Variants in ACSM3 observed in about 807,000 individuals in gnomAD.
ACSM3 encodes the protein acyl-coenzyme A synthetase ACSM3, mitochondrial.
Under a neutral mutation model 74.1 loss-of-function variants are expected in ACSM3, and 61 were observed. The observed-to-expected ratio is 0.82, with a 90% CI of 0.67 to 1.02. The LOEUF is 1.02. ACSM3 is among the 50% of genes least tolerant of loss of function. ACSM3 has a pLI of 0.00. For missense variants in ACSM3, 660 were observed against 697.0 expected (o/e 0.95, Z 0.60); for synonymous variants, 213 against 241.5 (o/e 0.88, Z 1.09).
intron 1 of ACSM3, among the ~76,000 whole-genome samples, chr16:20,727,934 A>C (rs1441998512): frequency 6.6e-6 from 1 of 152,190 alleles, no homozygotes; most frequent in Non-Finnish European, 1.5e-5. Flanking sequence ...ATGCATTAGA[A>C]ACTCTGGGAT....
rs145743388 is a variant in ACSM3 at position 20,785,092 on chromosome 16, T to C, written c.1128T>C (p.Tyr376=). 1 of 1,613,338 alleles carries C rather than the reference T, an allele frequency of 6.2e-7. No individual in the cohort carries two copies. The highest frequency in any genetic ancestry group is 8.5e-7 in the Non-Finnish European group (1 of 1,179,520). ...NKTGLDIYEG[Y]GQTETVLICG... ...CGGGCCTGGATATCTACGAAGGATA[T>C]GGACAGACTGAAACGGTACCTGACC... The change falls in exon 8 of 14, where the codon TAT becomes TAC. Residue 376 remains tyrosine, a synonymous_variant. Coordinates refer to ENST00000289416, the MANE Select transcript of ACSM3 (RefSeq NM_005622.4).
intron 1 of ACSM3, among the ~76,000 whole-genome samples, chr16:20,677,150 T>C (rs868085415): frequency 6.6e-6 from 1 of 151,052 alleles, no homozygotes; most frequent in Middle Eastern, 3.4e-3. Context: ...TTCTAGCTTA[T>C]GGCTAAGCCA....
At chr16:20,787,364 G>A (rs1376216919) in intron 9 of ACSM3, among the ~76,000 whole-genome samples, 1 of 152,176 alleles carries the variant, frequency 6.6e-6, no homozygotes, top group Non-Finnish European at 1.5e-5. Context: ...TTTTAATTCA[G>A]AGACCCATCT....
intron 2 of ACSM3, among the ~76,000 whole-genome samples, chr16:20,751,743 C>T (rs930042277): frequency 1.3e-5 from 2 of 152,314 alleles, no homozygotes; most frequent in African/African-American, 4.8e-5. Context: ...TCGGTTATGT[C>T]ACCTTGGCTT....
chr16:20,774,379 C>T (rs1220331077), intron 2 of ACSM3, among the ~76,000 whole-genome samples: 1 of 151,858 alleles, frequency 6.6e-6, no homozygotes, highest in Non-Finnish European at 1.5e-5. Context: ...GTAGCTGGGA[C>T]TACAAGGTGC....
At chr16:20,704,973 A>T (rs1293887297) in intron 1 of ACSM3, among the ~76,000 whole-genome samples, 2 of 152,232 alleles carry the variant, frequency 1.3e-5, no homozygotes, top group Non-Finnish European at 2.9e-5. Context: ...TTTCACTTCA[A>T]GTATCATGAT....
In ACSM3 at chr16:20,777,376, C is replaced by G; in HGVS notation, c.434C>G (p.Thr145Arg). The change falls in exon 4 of 14, where the codon ACA (threonine) becomes AGA (arginine). Residue 145 changes from threonine to arginine, a missense_variant. Coordinates refer to ENST00000289416, the MANE Select transcript of ACSM3 (RefSeq NM_005622.4). ...LANVACLRTG[T>R]VLIPGTTQLT... ...TGTTTCTTTTCTGCCCCTTTAGGGA[C>G]AGTTTTAATTCCAGGAACCACTCAG... The G allele has an allele frequency of 6.2e-7, 1 of 1,613,178 alleles. No individual in the cohort carries two copies. The highest frequency in any genetic ancestry group is 8.5e-7 in the Non-Finnish European group (1 of 1,179,414).
chr16:20,771,588 A>G (rs975544936), intron 2 of ACSM3, among the ~76,000 whole-genome samples: 1 of 152,108 alleles, frequency 6.6e-6, no homozygotes, highest in Non-Finnish European at 1.5e-5. Context: ...ATGGCTGAAT[A>G]GTATTGCACT....
At chr16:20,740,932 A>C (rs2079913134) in intron 1 of ACSM3, among the ~76,000 whole-genome samples, 1 of 152,174 alleles carries the variant, frequency 6.6e-6, no homozygotes, top group Non-Finnish European at 1.5e-5. Flanking sequence ...TTTCTGAAAG[A>C]GCTTCAGCAC....
At chr16:20,762,897 C>T (rs1432247773), upstream of ACSM3, among the ~76,000 whole-genome samples, 2 of 152,272 alleles carry the variant, frequency 1.3e-5, no homozygotes, top group African/African-American at 2.4e-5. Flanking sequence ...TCTTATTCAA[C>T]GTAGAGCTAG....
intron 1 of ACSM3, among the ~76,000 whole-genome samples, chr16:20,687,123 C>T (rs1391897722): frequency 6.6e-6 from 1 of 151,832 alleles, no homozygotes; most frequent in Non-Finnish European, 1.5e-5. Flanking sequence ...TCTGGCTTGT[C>T]CAAGGGTTGC....
At chr16:20,683,815 AC>A (rs2079498149) in intron 1 of ACSM3, among the ~76,000 whole-genome samples, 1 of 150,476 alleles carries the variant, frequency 6.6e-6, no homozygotes, top group South Asian at 2.1e-4. Context: ...TGATCCACCC[AC>A]CTCAGCCTCC....
At chr16:20,727,594 C>T in intron 1 of ACSM3, 1 of 249,066 alleles carries the variant, frequency 4.0e-6, no homozygotes, top group Non-Finnish European at 8.1e-6. Context: ...TATACCTCAT[C>T]TTGCCAGTAG....
At chr16:20,738,357 TA>T (rs1165620545) in intron 1 of ACSM3, 7 of 395,702 alleles carry the variant, frequency 1.8e-5, no homozygotes, top group Non-Finnish European at 3.5e-5. Flanking sequence ...AAGATGTAAT[TA>T]ATCCATTAGC....
chr16:20,770,394 G>T, intron 2 of ACSM3, 141 bp downstream of exon 2: 1 of 701,182 alleles, frequency 1.4e-6, no homozygotes, highest in South Asian at 1.9e-5. Flanking sequence ...ACAGGTAAAA[G>T]CCAGGGATTC....
chr16:20,769,981 T>C lies in ACSM3; in HGVS notation c.-51-3T>C, dbSNP rs1241233542. ...ATATATGTCCTTTTTGCTTGTCTTTTAGATGAACTGGTCTCTGTGCAAATC... is the reference window on the plus strand; with the variant it reads ...ATATATGTCCTTTTTGCTTGTCTTTCAGATGAACTGGTCTCTGTGCAAATC... On this transcript the variant is annotated splice_polypyrimidine_tract_variant and splice_region_variant and intron_variant, in intron 1 of 13. Transcript: ENST00000289416. 6.4e-7 allele frequency: 1 copy of C among 1,572,986 alleles called. No individual in the cohort carries two copies. Among genetic ancestry groups the C allele is most frequent in the East Asian group, 2.2e-5 (1 of 44,678 alleles).
chr16:20,770,130 T>C lies in ACSM3; in HGVS notation c.96T>C (p.Asn32=), dbSNP rs559499624. Residue 32 remains asparagine (N), a synonymous_variant, in exon 2 of 14, where the codon AAT becomes AAC. Transcript: ENST00000289416. ...CTGTGAGGGCACTGCATAAAGATAA[T>C]AGAACAGCAACCCCTCAGAATTTCT... The part of the protein sequence containing the change: ...FGSVRALHKD[N]RTATPQNFSN... 3.1e-6 allele frequency: 5 copies of C among 1,614,100 alleles called. No homozygotes were observed. In the East Asian group the frequency reaches 1.1e-4, roughly 36 times the overall value.
intron 1 of ACSM3, among the ~76,000 whole-genome samples, chr16:20,716,798 C>G (rs1244476126): frequency 6.6e-6 from 1 of 152,158 alleles, no homozygotes. Context: ...TACTCTTAAC[C>G]TGTCTTTTCT....
intron 1 of ACSM3, chr16:20,766,561 A>T (rs2080127979): frequency 6.6e-6 from 1 of 152,172 alleles, no homozygotes; most frequent in Admixed American, 6.5e-5. Context: ...CATCTCTAAA[A>T]AATTTTTTAA....
Sources: gnomAD v4.1 joint callset for allele counts (sites outside exome capture counted in the v4.1 genomes callset) on GRCh38, gnomAD v4.1.1 for gene constraint, MANE v1.5 for transcripts, NCBI Gene and HGNC (gene_info 2026-07-23, HGNC 2026-07-21) for gene names.